Variants in MTRR observed in about 807,000 individuals in gnomAD.
MTRR encodes methionine synthase reductase.
MTRR carries 63 observed loss-of-function variants against 79.2 expected under a neutral mutation model. The ratio of observed to expected loss-of-function variants is 0.80; its 90% CI spans 0.65 to 0.98. MTRR has a LOEUF of 0.98. MTRR is among the 50% of genes least tolerant of loss of function. MTRR has a pLI of 0.00. For synonymous variants in MTRR, 355 were observed against 313.3 expected, an observed-to-expected ratio of 1.13 and a Z score of -1.41; for missense variants, 895 against 839.6, an observed-to-expected ratio of 1.07 and a Z score of -0.82.
At position 7,892,471 on chromosome 5, in the gene MTRR, A is replaced by G. The variant is rs935552330; in HGVS notation, c.1371-256A>G. Among the ~76,000 whole-genome samples the G allele has an allele frequency of 2.0e-5, 3 of 152,170 alleles. No individual in the cohort carries two copies. In the East Asian group the frequency reaches 5.8e-4, roughly 29 times the overall value. On this transcript the variant is annotated intron_variant, in intron 10 of 14. Transcript: ENST00000440940. Reference sequence around the variant, plus strand: ...CATGAAGATCCTTAGGGCATATTAGATTTTATAAATATCATCTAGTCCTAG... The same window carrying G: ...CATGAAGATCCTTAGGGCATATTAGGTTTTATAAATATCATCTAGTCCTAG...
intron 7 of MTRR, among the ~76,000 whole-genome samples, chr5:7,886,214 ATAAT>A (rs1736398578): frequency 6.6e-6 from 1 of 152,146 alleles, no homozygotes; most frequent in African/African-American, 2.4e-5. Flanking sequence ...ATTATATAAA[ATAAT>A]TGCTTTTTCC....
chr5:7,891,907 T>TG (rs2126788628), intron 10 of MTRR, among the ~76,000 whole-genome samples: 1 of 152,202 alleles, frequency 6.6e-6, no homozygotes, highest in South Asian at 2.1e-4. Context: ...CCGGGCGTGG[T>TG]GGCAGGCGCC....
intron 3 of MTRR, among the ~76,000 whole-genome samples, chr5:7,874,914 A>G (rs1035311660): frequency 6.6e-6 from 1 of 152,220 alleles, no homozygotes; most frequent in Non-Finnish European, 1.5e-5. Context: ...ATCAGAAAAA[A>G]TGTACAGATG....
intron 5 of MTRR, among the ~76,000 whole-genome samples, chr5:7,881,863 T>A (rs984451041): frequency 2.0e-5 from 3 of 152,218 alleles, no homozygotes; most frequent in East Asian, 1.9e-4. Flanking sequence ...TCTTGCAAGG[T>A]GATGCATTTG....
intron 1 of MTRR, among the ~76,000 whole-genome samples, chr5:7,859,920 G>A (rs535346900): frequency 6.6e-6 from 1 of 152,206 alleles, no homozygotes; most frequent in South Asian, 2.1e-4. Context: ...TGGGGATGCC[G>A]ACAAACTGCT....
upstream of MTRR, chr5:7,850,887 G>A: frequency 7.5e-7 from 1 of 1,336,510 alleles, no homozygotes; most frequent in South Asian, 2.7e-5. Context: ...GCGCCGGGCG[G>A]TAGTAGTAGC....
chr5:7,879,462 CAAAAAAAAAAAAA>C (rs35558077), intron 5 of MTRR, among the ~76,000 whole-genome samples: 1 of 88,576 alleles, frequency 1.1e-5, no homozygotes, highest in African/African-American at 4.4e-5. Context: ...GACTCCGTCT[CAAAAAAAAAAAAA>C]AAAAAAAAAA....
intron 1 of MTRR, chr5:7,869,426 GC>G: frequency 1.7e-6 from 1 of 588,650 alleles, no homozygotes; most frequent in East Asian, 2.9e-5. Context: ...GTGTCCTTGG[GC>G]TCGGCGTCGG....
Position 7,883,267 on chromosome 5 carries a change from T to C in MTRR, c.893T>C (p.Leu298Ser), listed in dbSNP as rs1178318986. The change falls in exon 6 of 15, where the codon TTG becomes TCG. Residue 298 changes from leucine to serine, a missense_variant. Coordinates refer to ENST00000440940, the MANE Select transcript of MTRR (RefSeq NM_002454.3). Reference sequence around the variant, plus strand: ...ATAAAAACCACTCTGCTGGTAGAATTGGACATTTCAGTAAGTTGCAAAATT... The same window carrying C: ...ATAAAAACCACTCTGCTGGTAGAATCGGACATTTCAGTAAGTTGCAAAATT... Reference protein sequence around the residue: ...DAIKTTLLVELDISNTDFSYQ... With the variant: ...DAIKTTLLVESDISNTDFSYQ... The C allele has an allele frequency of 6.2e-7, 1 of 1,614,230 alleles. No individual in the cohort carries two copies. The highest frequency in any genetic ancestry group is 1.7e-5 in the Admixed American group (1 of 60,036).
Position 7,885,988 on chromosome 5 carries a change from G to A in MTRR, c.1057+134G>A, listed in dbSNP as rs1338986688. 2.6e-6 allele frequency: 3 copies of A among 1,176,022 alleles called. No individual in the cohort carries two copies. In the African/African-American group the frequency reaches 4.6e-5, roughly 18 times the overall value. The allele number at this position is 1,176,022 out of a possible 1,614,324, so 72.8% of individuals were successfully genotyped here. On this transcript the variant is annotated intron_variant, in intron 7 of 14. Coordinates refer to ENST00000440940, the MANE Select transcript of MTRR (RefSeq NM_002454.3). ...GCCTGGGGCTCAGCTGCGCATCAAGGTCTGGGAACACAGGCATACGCTGGT... is the reference window on the plus strand; with the variant it reads ...GCCTGGGGCTCAGCTGCGCATCAAGATCTGGGAACACAGGCATACGCTGGT...
intron 5 of MTRR, among the ~76,000 whole-genome samples, chr5:7,882,056 G>A (rs141197445): frequency 1.0e-3 from 153 of 152,294 alleles, no homozygotes; most frequent in Middle Eastern, 3.4e-3. Flanking sequence ...GTTCCCAGGA[G>A]TCAAACAATG....
rs113005255 is a variant in MTRR at position 7,891,433 on chromosome 5, G to C, written c.1370+19G>C. ...GTGCAAGGTACTACTATTTATTCAC[G>C]TAATATATAGCATTGTTTCTCCAAA... is the stretch of plus-strand genomic sequence containing the variant. On this transcript the variant is annotated intron_variant, in intron 10 of 14. Transcript: ENST00000440940. 1 of 1,586,122 alleles carries C rather than the reference G, an allele frequency of 6.3e-7. No individual in the cohort carries two copies. The highest frequency in any genetic ancestry group is 1.3e-5 in the African/African-American group (1 of 74,090).
chr5:7,896,918 T>A lies in MTRR; in HGVS notation c.1731T>A (p.Phe577Leu). 1 of 1,614,178 alleles carries A rather than the reference T, an allele frequency of 6.2e-7. No individual in the cohort carries two copies. Among genetic ancestry groups the A allele is most frequent in the African/African-American group, 1.3e-5 (1 of 75,048 alleles). The change falls in exon 13 of 15, where the codon TTT (phenylalanine) becomes TTA (leucine). Residue 577 changes from phenylalanine to leucine, a missense_variant. Transcript: ENST00000440940. The part of the protein sequence containing the change: ...PDGNFGAMWL[F>L]FGCRHKDRDY... ...GAAATTTTGGAGCAATGTGGTTGTT[T>A]TTTGGCTGCAGGCATAAGGATAGGG...
At chr5:7,863,241 C>A in intron 2 of MTRR, 3 of 447,400 alleles carry the variant, frequency 6.7e-6, no homozygotes, top group Non-Finnish European at 7.9e-6. Context: ...TTACCATAAA[C>A]AGAAAGAAAA....
At chr5:7,854,604 G>A (rs777226965) in intron 1 of MTRR, among the ~76,000 whole-genome samples, 1 of 152,108 alleles carries the variant, frequency 6.6e-6, no homozygotes, top group South Asian at 2.1e-4. Context: ...GGAAACCCCT[G>A]ATAAAACTAT....
chr5:7,867,342 A>AT (rs1561110014), upstream of MTRR: 3 of 1,614,062 alleles, frequency 1.9e-6, no homozygotes, highest in East Asian at 6.7e-5. Context: ...AATGTTTCCA[A>AT]TTTTTCACCT....
At chr5:7,879,462 C>CAAA (rs35558077) in intron 5 of MTRR, among the ~76,000 whole-genome samples, 49 of 88,450 alleles carry the variant, frequency 5.5e-4, no homozygotes, top group South Asian at 8.8e-4. Flanking sequence ...GACTCCGTCT[C>CAAA]AAAAAAAAAA....
At chr5:7,858,471 CT>C (rs1406083592) in intron 1 of MTRR, among the ~76,000 whole-genome samples, 1 of 152,144 alleles carries the variant, frequency 6.6e-6, no homozygotes, top group Admixed American at 6.6e-5. Flanking sequence ...TCCATTGCCT[CT>C]CTCTTTCTTT....
rs1748662655 is a variant in MTRR, at chr5:7,875,165, A to G, written c.284-93A>G. Reference sequence around the variant, plus strand: ...TTATTACTCCATCCATAAGAGCATGAAATAGTATTATTTTAGATATTTTAT... The same window carrying G: ...TTATTACTCCATCCATAAGAGCATGGAATAGTATTATTTTAGATATTTTAT... On this transcript the variant is annotated intron_variant, in intron 3 of 14. Coordinates refer to ENST00000440940, the MANE Select transcript of MTRR (RefSeq NM_002454.3). 4.5e-6 allele frequency: 4 copies of G among 885,360 alleles called. No individual in the cohort carries two copies. The African/African-American group carries it at 6.6e-5, about 15-fold the overall frequency. 54.8% of individuals were successfully genotyped at this position (885,360 alleles called of 1,614,324 possible). A position where few individuals can be genotyped will look rare whatever the true frequency, so the allele number is the denominator to read the frequency against.
Sources: allele counts gnomAD v4.1 joint callset (sites outside exome capture counted in the v4.1 genomes callset), GRCh38; gene constraint gnomAD v4.1.1; transcripts MANE v1.5; gene names NCBI Gene and HGNC (gene_info 2026-07-23, HGNC 2026-07-21).